The following TSHZ3 variants were observed in gnomAD, a reference collection of about 807,000 sequenced individuals.
The protein encoded by TSHZ3 is teashirt zinc finger homeobox 3.
A neutral mutation model predicts 64.5 loss-of-function variants in TSHZ3; 10 were observed. The observed-to-expected ratio is 0.16, with a 90% CI of 0.10 to 0.26. TSHZ3 has a LOEUF of 0.26. Ranked by LOEUF, TSHZ3 falls within the 10% of genes least tolerant of loss-of-function variation. TSHZ3 has a pLI of 1.00. For missense variants in TSHZ3, 1,242 were observed against 1,421.7 expected (o/e 0.87, Z 2.03); for synonymous variants, 608 against 593.1 (o/e 1.03, Z -0.36).
rs182822779 is a variant in TSHZ3, at chr19:31,289,291, G to A, written c.41-9539C>T. ...TGCTGACCTCATCACAAAAGGAGGA[G>A]GTGGGGGGACAAGCACCAAGCCCTG... is the stretch of plus-strand genomic sequence containing the variant. On this transcript the variant is annotated intron_variant, in intron 1 of 1. Transcript: ENST00000240587. Among the ~76,000 whole-genome samples, 68 of 152,300 alleles carry A rather than the reference G, an allele frequency of 4.5e-4. No individual in the cohort carries two copies. In the East Asian group the frequency reaches 0.011, roughly 24 times the overall value.
rs1394881340 is a variant in TSHZ3, at chr19:31,322,433, T to C, written c.40+26747A>G. ...GTGCCTAGCCTTATGTATGTATTTT[T>C]TTTTAGAGACTAGGTCTCACTCTGA... On this transcript the variant is annotated intron_variant, in intron 1 of 1. Transcript: ENST00000240587. Among the ~76,000 whole-genome samples the C allele has an allele frequency of 2.6e-5, 4 of 151,892 alleles. No homozygotes were observed. In the East Asian group the frequency reaches 7.8e-4, roughly 30 times the overall value.
At chr19:31,166,291 T>C (rs1225084874) in intron 5 of TSHZ3, among the ~76,000 whole-genome samples, 1 of 152,182 alleles carries the variant, frequency 6.6e-6, no homozygotes, top group Non-Finnish European at 1.5e-5. Context: ...TCACAGTCAA[T>C]TTCTGAAAAT....
intron 6 of TSHZ3, among the ~76,000 whole-genome samples, chr19:31,155,165 A>G (rs1974290367): frequency 6.6e-6 from 1 of 152,182 alleles, no homozygotes. Context: ...CCCCATCCTC[A>G]CAGCCGCCTG....
intron 1 of TSHZ3, among the ~76,000 whole-genome samples, chr19:31,304,176 T>C (rs1004639097): frequency 1.7e-4 from 26 of 152,328 alleles, no homozygotes; most frequent in South Asian, 2.1e-4. Flanking sequence ...GGTTTCACCA[T>C]GTTGGTCAAG....
At chr19:31,259,602 G>A (rs1975958746) in intron 1 of TSHZ3, among the ~76,000 whole-genome samples, 2 of 152,124 alleles carry the variant, frequency 1.3e-5, no homozygotes, top group African/African-American at 4.8e-5. Flanking sequence ...ATGGGGCTGG[G>A]AGCTCACCTG....
At chr19:31,238,595 A>T (rs767704785) in intron 3 of TSHZ3, among the ~76,000 whole-genome samples, 1 of 152,144 alleles carries the variant, frequency 6.6e-6, no homozygotes, top group Non-Finnish European at 1.5e-5. Flanking sequence ...ATACATATTT[A>T]AAATTGTTCT....
intron 1 of TSHZ3, among the ~76,000 whole-genome samples, chr19:31,345,688 G>GTT (rs11377611): frequency 0.062 from 9,367 of 150,980 alleles, 380 homozygotes; most frequent in Non-Finnish European, 0.094. Context: ...TTTTTGTTTG[G>GTT]TTTTTTTTTC....
intron 6 of TSHZ3, among the ~76,000 whole-genome samples, chr19:31,154,057 G>A (rs1349322987): frequency 6.6e-6 from 1 of 152,170 alleles, no homozygotes; most frequent in East Asian, 1.9e-4. Context: ...TCAGCCTTAA[G>A]AGAACTTGCA....
intron 1 of TSHZ3, among the ~76,000 whole-genome samples, chr19:31,300,941 G>A (rs1412176044): frequency 1.3e-5 from 2 of 152,056 alleles, no homozygotes; most frequent in African/African-American, 2.4e-5. Context: ...GTAAGATTAT[G>A]CAAAAACACC....
chr19:31,283,378 C>T lies in TSHZ3; in HGVS notation c.41-3626G>A, dbSNP rs527850092. Reference sequence around the variant, plus strand: ...TAAAGGGAAAATTCCCATCTTCCACCATGCTTTGCAATAATTTCACTACTC... The same window carrying T: ...TAAAGGGAAAATTCCCATCTTCCACTATGCTTTGCAATAATTTCACTACTC... On this transcript the variant is annotated intron_variant, in intron 1 of 1. Transcript: ENST00000240587. Among the ~76,000 whole-genome samples the T allele has an allele frequency of 3.3e-5, 5 of 152,240 alleles. No individual in the cohort carries two copies. In the South Asian group the frequency reaches 8.3e-4, roughly 25 times the overall value.
intron 1 of TSHZ3, among the ~76,000 whole-genome samples, chr19:31,250,665 G>A (rs1209472701): frequency 1.3e-5 from 2 of 152,134 alleles, no homozygotes; most frequent in Non-Finnish European, 2.9e-5. Context: ...ATTGAATCAT[G>A]GTCTCCAGAA....
intron 3 of TSHZ3, among the ~76,000 whole-genome samples, chr19:31,233,471 G>A (rs1308379001): frequency 6.6e-6 from 1 of 152,056 alleles, no homozygotes; most frequent in South Asian, 2.1e-4. Flanking sequence ...AGAGAACTTT[G>A]TAGACTCTGG....
chr19:31,234,307 T>C (rs1282557043), intron 3 of TSHZ3, among the ~76,000 whole-genome samples: 1 of 152,200 alleles, frequency 6.6e-6, no homozygotes, highest in Non-Finnish European at 1.5e-5. Flanking sequence ...AATGATAACA[T>C]TTGTTAATAC....
intron 5 of TSHZ3, among the ~76,000 whole-genome samples, chr19:31,173,114 T>C (rs1403526386): frequency 6.6e-6 from 1 of 152,224 alleles, no homozygotes; most frequent in Non-Finnish European, 1.5e-5. Flanking sequence ...GAAGATCCAA[T>C]GACCATGTGG....
At chr19:31,322,028 T>C (rs1404763923) in intron 1 of TSHZ3, among the ~76,000 whole-genome samples, 2 of 152,194 alleles carry the variant, frequency 1.3e-5, no homozygotes, top group Non-Finnish European at 2.9e-5. Context: ...CCCCTCCCTG[T>C]GTCCATATGT....
At chr19:31,179,864 T>C (rs1329460535) in intron 5 of TSHZ3, among the ~76,000 whole-genome samples, 2 of 151,974 alleles carry the variant, frequency 1.3e-5, no homozygotes, top group African/African-American at 4.8e-5. Flanking sequence ...AAGATGGTGG[T>C]GATGATGACT....
At chr19:31,183,890 C>T (rs2145130026) in intron 5 of TSHZ3, among the ~76,000 whole-genome samples, 1 of 152,224 alleles carries the variant, frequency 6.6e-6, no homozygotes, top group Admixed American at 6.5e-5. Context: ...TTTTTTTGAG[C>T]ACTAAAGTAA....
At chr19:31,179,017 A>ATGG (rs1974656957) in intron 5 of TSHZ3, among the ~76,000 whole-genome samples, 1 of 91,908 alleles carries the variant, frequency 1.1e-5, no homozygotes, top group Admixed American at 9.4e-5. Flanking sequence ...GAAGGCACTG[A>ATGG]TGATGATGAT....
At chr19:31,255,687 G>T (rs893307955) in intron 1 of TSHZ3, among the ~76,000 whole-genome samples, 5 of 152,162 alleles carry the variant, frequency 3.3e-5, no homozygotes, top group African/African-American at 1.2e-4. Flanking sequence ...GGGTCAGCTT[G>T]CCCTAAGACA....
Sources: allele counts gnomAD v4.1 joint callset (sites outside exome capture counted in the v4.1 genomes callset), GRCh38; gene constraint gnomAD v4.1.1; transcripts MANE v1.5; gene names NCBI Gene and HGNC (gene_info 2026-07-23, HGNC 2026-07-21).